Variants in SH3BP5 observed in about 807,000 individuals in gnomAD.
SH3BP5 encodes SH3 domain-binding protein 5.
A neutral mutation model predicts 43.3 loss-of-function variants in SH3BP5; 22 were observed. That is an observed-to-expected ratio of 0.51 (90% CI 0.36 to 0.73). The LOEUF is 0.73. Ranked by LOEUF, SH3BP5 falls within the 30% of genes least tolerant of loss-of-function variation. The pLI is 0.00. For synonymous variants in SH3BP5, 255 were observed against 225.8 expected (o/e 1.13, Z -1.16); for missense variants, 529 against 586.9 (o/e 0.90, Z 1.02).
At chr3:15,325,418 G>A (rs770260215) in intron 2 of SH3BP5, among the ~76,000 whole-genome samples, 7 of 151,702 alleles carry the variant, frequency 4.6e-5, no homozygotes, top group African/African-American at 7.3e-5. Context: ...GCCCTGATGC[G>A]CCCTCCAGCT....
At chr3:15,257,843 CCT>C (rs771931289) in intron 7 of SH3BP5, among the ~76,000 whole-genome samples, 10 of 152,202 alleles carry the variant, frequency 6.6e-5, no homozygotes, top group Admixed American at 1.3e-4. Flanking sequence ...TTTTTCCCCC[CCT>C]TTCTCTTTAA....
intron 2 of SH3BP5, among the ~76,000 whole-genome samples, chr3:15,306,128 G>A (rs1473474880): frequency 2.6e-5 from 4 of 151,912 alleles, no homozygotes; most frequent in Admixed American, 2.0e-4. Context: ...AGGCCGAGAC[G>A]GGTGGATCAT....
At chr3:15,286,177 C>G (rs1697260464) in intron 3 of SH3BP5, among the ~76,000 whole-genome samples, 1 of 152,214 alleles carries the variant, frequency 6.6e-6, no homozygotes, top group African/African-American at 2.4e-5. Flanking sequence ...GCCCCTCTGG[C>G]TGCCGGAGGC....
In SH3BP5 at chr3:15,320,640, A is replaced by ACACACACACACACACACACGCT. The variant is rs373879792; in HGVS notation, c.201+9863_201+9864insAGCGTGTGTGTGTGTGTGTGTG. Among the ~76,000 whole-genome samples the ACACACACACACACACACACGCT allele has an allele frequency of 8.6e-3, 1,289 of 149,630 alleles. 19 individuals carry two copies. The highest frequency in any genetic ancestry group is 0.046 in the South Asian group (216 of 4,720). ...CACACACACACACACACACACACAC[A>ACACACACACACACACACACGCT]CCCCACTACGTTAAAGTCCCTACAA... On this transcript the variant is annotated intron_variant, in intron 2 of 8. Transcript: ENST00000383791.
At chr3:15,285,206 C>T (rs932730307) in intron 3 of SH3BP5, among the ~76,000 whole-genome samples, 3 of 152,196 alleles carry the variant, frequency 2.0e-5, no homozygotes, top group African/African-American at 4.8e-5. Flanking sequence ...TATGATCAAT[C>T]GTTATTCATG....
intron 3 of SH3BP5, among the ~76,000 whole-genome samples, chr3:15,289,629 TGATA>T (rs1697357356): frequency 6.6e-6 from 1 of 152,236 alleles, no homozygotes; most frequent in Non-Finnish European, 1.5e-5. Context: ...AATTCCTAAC[TGATA>T]GATGATACAG....
At chr3:15,266,265 C>T (rs113047431) in intron 4 of SH3BP5, among the ~76,000 whole-genome samples, 108 of 152,344 alleles carry the variant, frequency 7.1e-4, no homozygotes, top group African/African-American at 2.4e-3. Context: ...GGAAGGGAGG[C>T]GGTTCACACC....
rs540055772 is a variant in SH3BP5, at chr3:15,288,781, C to T, written c.330+15322G>A. On this transcript the variant is annotated intron_variant, in intron 3 of 8. Coordinates refer to ENST00000383791, the MANE Select transcript of SH3BP5 (RefSeq NM_004844.5). Reference sequence around the variant, plus strand: ...CAAACAAAAAAAGGCTATTTCAATGCTCTGGGTAAGACATGAGGGATTGCA... The same window carrying T: ...CAAACAAAAAAAGGCTATTTCAATGTTCTGGGTAAGACATGAGGGATTGCA... Among the ~76,000 whole-genome samples the T allele has an allele frequency of 3.3e-5, 5 of 152,228 alleles. No individual in the cohort carries two copies. In the South Asian group the frequency reaches 1.0e-3, roughly 32 times the overall value.
At chr3:15,339,963 A>G (rs542953790) in intron 1 of SH3BP5, 1 of 152,340 alleles carries the variant, frequency 6.6e-6, no homozygotes, top group South Asian at 2.1e-4. Context: ...CAATGAGCAT[A>G]ACATTTTGCA....
At chr3:15,305,106 GA>G (rs1269891681) in intron 2 of SH3BP5, among the ~76,000 whole-genome samples, 4 of 148,160 alleles carry the variant, frequency 2.7e-5, no homozygotes, top group Non-Finnish European at 5.9e-5. Flanking sequence ...GACAGAGTGA[GA>G]CACTGTCTCA....
At chr3:15,286,162 T>C (rs1218113217) in intron 3 of SH3BP5, among the ~76,000 whole-genome samples, 1 of 152,214 alleles carries the variant, frequency 6.6e-6, no homozygotes, top group African/African-American at 2.4e-5. Context: ...CATACACAGC[T>C]AGTGGCCCCT....
chr3:15,265,755 C>T (rs1451494420), intron 4 of SH3BP5, among the ~76,000 whole-genome samples: 1 of 151,918 alleles, frequency 6.6e-6, no homozygotes, highest in African/African-American at 2.4e-5. Context: ...GAGAGCGGCT[C>T]AGGGGTAGGT....
chr3:15,269,827 C>T lies in SH3BP5; in HGVS notation c.381G>A (p.Glu127=), dbSNP rs1314628228. The change falls in exon 4 of 9, where the codon GAG becomes GAA. Residue 127 remains glutamate (E), a synonymous_variant. Transcript: ENST00000383791. ...TGGTCTCCTTGGCGGCACGGAGCACCTCTGTGGCCCTCTGGAAGTCCTGCG... is the reference window on the plus strand; with the variant it reads ...TGGTCTCCTTGGCGGCACGGAGCACTTCTGTGGCCCTCTGGAAGTCCTGCG... ...KATQDFQRAT[E]VLRAAKETIS... is the part of the protein sequence containing the mutation. 6 of 1,594,302 alleles carry T rather than the reference C, an allele frequency of 3.8e-6. No homozygotes were observed. The highest frequency in any genetic ancestry group is 1.3e-5 in the African/African-American group (1 of 74,250).
chr3:15,330,501 T>C lies in SH3BP5; in HGVS notation c.201+3A>G, dbSNP rs1698583167. On this transcript the variant is annotated splice_donor_region_variant and intron_variant, in intron 2 of 8. Coordinates refer to ENST00000383791, the MANE Select transcript of SH3BP5 (RefSeq NM_004844.5). ...CCAAGAACAGGAACTCAGCTCTCTG[T>C]ACCTCAAGTTCAGTCTCCCGTCTGT... 3 of 1,611,538 alleles carry C rather than the reference T, an allele frequency of 1.9e-6. No homozygotes were observed. Among genetic ancestry groups the C allele is most frequent in the Non-Finnish European group, 2.5e-6 (3 of 1,177,944 alleles).
At chr3:15,338,524 G>T (rs1698728270) in intron 1 of SH3BP5, among the ~76,000 whole-genome samples, 1 of 152,132 alleles carries the variant, frequency 6.6e-6, no homozygotes, top group Non-Finnish European at 1.5e-5. Flanking sequence ...GGCACTTTAG[G>T]TCAGAGGCTG....
chr3:15,316,513 T>A (rs1698189940), intron 2 of SH3BP5, among the ~76,000 whole-genome samples: 1 of 152,180 alleles, frequency 6.6e-6, no homozygotes, highest in Non-Finnish European at 1.5e-5. Context: ...GTGAACCACA[T>A]ACCCAGCCAA....
upstream of SH3BP5, among the ~76,000 whole-genome samples, chr3:15,336,677 C>G (rs1698704074): frequency 6.6e-6 from 1 of 152,100 alleles, no homozygotes; most frequent in East Asian, 1.9e-4. Context: ...CCAGGTTGCG[C>G]TAAGGACCCA....
At chr3:15,258,617 AATTT>A (rs1696312682) in intron 7 of SH3BP5, 13 of 569,998 alleles carry the variant, frequency 2.3e-5, no homozygotes, top group South Asian at 2.0e-4. Flanking sequence ...ACATTTTCCC[AATTT>A]ATTTGACCAC....
At chr3:15,266,915 G>A (rs999750327) in intron 4 of SH3BP5, among the ~76,000 whole-genome samples, 3 of 152,248 alleles carry the variant, frequency 2.0e-5, no homozygotes, top group Non-Finnish European at 4.4e-5. Context: ...GGGAACCCCA[G>A]TGTCCCGCTG....
Sources: allele counts gnomAD v4.1 joint callset (sites outside exome capture counted in the v4.1 genomes callset), GRCh38; gene constraint gnomAD v4.1.1; transcripts MANE v1.5; gene names NCBI Gene and HGNC (gene_info 2026-07-23, HGNC 2026-07-21).